TSPAN5: variants seen among roughly 807,000 people sequenced by gnomAD.
TSPAN5 encodes the protein tetraspanin 5, also known as tetraspanin-5.
TSPAN5 carries 10 observed loss-of-function variants against 37.1 expected under a neutral mutation model. That is an observed-to-expected ratio of 0.27 (90% CI 0.17 to 0.46). The LOEUF is 0.46. Ranked by LOEUF, TSPAN5 falls within the 20% of genes least tolerant of loss-of-function variation. The probability of loss-of-function intolerance (pLI) is 1.00; values close to 1 mark genes in which losing one functional copy is unlikely to be tolerated. For synonymous variants in TSPAN5, 110 were observed against 118.9 expected (o/e 0.93, Z 0.48); for missense variants, 195 against 326.6 (o/e 0.60, Z 3.11).
At chr4:98,487,281 T>G (rs1188293745) in intron 2 of TSPAN5, among the ~76,000 whole-genome samples, 1 of 149,588 alleles carries the variant, frequency 6.7e-6, no homozygotes, top group Admixed American at 6.7e-5. Flanking sequence ...GAAACTGTCA[T>G]TAGACCCTGT....
At chr4:98,544,026 A>T (rs1212525475) in intron 1 of TSPAN5, among the ~76,000 whole-genome samples, 2 of 151,996 alleles carry the variant, frequency 1.3e-5, no homozygotes, top group East Asian at 3.9e-4. Context: ...AGAAATTTTT[A>T]AAAATTAGCC....
intron 1 of TSPAN5, among the ~76,000 whole-genome samples, chr4:98,553,791 G>A (rs1345115521): frequency 1.3e-5 from 2 of 152,158 alleles, no homozygotes; most frequent in African/African-American, 4.8e-5. Flanking sequence ...AAGCAGCTGG[G>A]CACGGTGGCT....
intron 1 of TSPAN5, among the ~76,000 whole-genome samples, chr4:98,548,717 C>T (rs551228620): frequency 2.9e-4 from 44 of 152,104 alleles, no homozygotes; most frequent in Non-Finnish European, 7.3e-5. Context: ...TTATTTTATT[C>T]TGTCTGTCCA....
intron 1 of TSPAN5, among the ~76,000 whole-genome samples, chr4:98,581,898 T>C (rs1046559867): frequency 4.7e-4 from 71 of 152,334 alleles, no homozygotes; most frequent in African/African-American, 1.6e-3. Flanking sequence ...ATGCACCTGA[T>C]AGCAGTAACT....
intron 1 of TSPAN5, among the ~76,000 whole-genome samples, chr4:98,609,557 A>G (rs1272857718): frequency 6.6e-6 from 1 of 152,210 alleles, no homozygotes; most frequent in Admixed American, 6.5e-5. Context: ...GGAGCAGTGA[A>G]GGAAGCTCCC....
intron 1 of TSPAN5, among the ~76,000 whole-genome samples, chr4:98,561,179 T>C (rs1324534030): frequency 1.3e-5 from 2 of 152,364 alleles, no homozygotes; most frequent in East Asian, 3.9e-4. Flanking sequence ...CCATGCTCTC[T>C]TCTTTACCCT....
intron 1 of TSPAN5, among the ~76,000 whole-genome samples, chr4:98,516,998 A>G (rs977769527): frequency 2.0e-5 from 3 of 152,198 alleles, no homozygotes; most frequent in African/African-American, 7.2e-5. Context: ...TCTTCTTTAT[A>G]AATCACCCAG....
At chr4:98,643,232 C>T (rs1242956785) in intron 1 of TSPAN5, among the ~76,000 whole-genome samples, 1 of 152,150 alleles carries the variant, frequency 6.6e-6, no homozygotes, top group Non-Finnish European at 1.5e-5. Context: ...GTATTCATTA[C>T]CATAACATGC....
rs1752572084 is a variant in TSPAN5, at chr4:98,471,072, G to A, written c.*1450C>T. 6.6e-6 allele frequency: 1 copy of A among 152,240 alleles called. No individual in the cohort carries two copies. Among genetic ancestry groups the A allele is most frequent in the Non-Finnish European group, 1.5e-5 (1 of 68,056 alleles). The allele number at this position is 152,240 out of a possible 1,614,324, so 9.4% of individuals were successfully genotyped here. ...AGTGGGGGCAGGAGCGGCAGCACCA[G>A]GAAGTGGTTTCCCACTTTGTGTTAC... is the stretch of plus-strand genomic sequence containing the variant. On this transcript the variant is annotated 3_prime_UTR_variant, in exon 8 of 8. Coordinates refer to ENST00000305798, the MANE Select transcript of TSPAN5 (RefSeq NM_005723.4).
chr4:98,544,893 C>A (rs1451429673), intron 1 of TSPAN5, among the ~76,000 whole-genome samples: 2 of 152,180 alleles, frequency 1.3e-5, no homozygotes, highest in African/African-American at 4.8e-5. Flanking sequence ...TGTAGGAAGT[C>A]TTATGTTCAG....
intron 1 of TSPAN5, among the ~76,000 whole-genome samples, chr4:98,537,835 G>T (rs1754271084): frequency 6.6e-6 from 1 of 152,240 alleles, no homozygotes. Context: ...TGAAGAGCTG[G>T]CAAGGTCATC....
intron 3 of TSPAN5, chr4:98,484,096 T>C (rs1752907729): frequency 5.5e-6 from 1 of 183,224 alleles, no homozygotes; most frequent in African/African-American, 2.4e-5. Context: ...CCAGTTCCCC[T>C]GGTAAATTTT....
At chr4:98,595,165 TG>T (rs1466848778) in intron 1 of TSPAN5, among the ~76,000 whole-genome samples, 1 of 109,606 alleles carries the variant, frequency 9.1e-6, no homozygotes, top group Non-Finnish European at 1.8e-5. Flanking sequence ...GGTTTTGTCT[TG>T]GGAGAGTGTA....
rs141698110 is a variant in TSPAN5, at chr4:98,528,851, G to C, written c.82-21123C>G. Among the ~76,000 whole-genome samples, 733 of 152,268 alleles carry C rather than the reference G, an allele frequency of 4.8e-3. 5 individuals carry two copies. Among genetic ancestry groups the C allele is most frequent in the Middle Eastern group, 0.014 (4 of 294 alleles). On this transcript the variant is annotated intron_variant, in intron 1 of 7. Transcript: ENST00000305798. ...ACCTGCCCACCACTCTGCTGGAAAT[G>C]GGGGGAGGGTACTGACTGCTCCCAT...
chr4:98,571,563 A>G lies in TSPAN5; in HGVS notation c.82-63835T>C, dbSNP rs115562116. Among the ~76,000 whole-genome samples, 835 of 151,840 alleles carry G rather than the reference A, an allele frequency of 5.5e-3. 4 individuals carry two copies. Among genetic ancestry groups the G allele is most frequent in the Admixed American group, 9.8e-3 (150 of 15,264 alleles). On this transcript the variant is annotated intron_variant, in intron 1 of 7. Coordinates refer to ENST00000305798, the MANE Select transcript of TSPAN5 (RefSeq NM_005723.4). Reference sequence around the variant, plus strand: ...TTATTATACCATTCTGGGTGAGGTAAGTAAAAAAAAACCACATACTGTGCA... The same window carrying G: ...TTATTATACCATTCTGGGTGAGGTAGGTAAAAAAAAACCACATACTGTGCA...
chr4:98,627,396 T>C (rs1014208374), intron 1 of TSPAN5, among the ~76,000 whole-genome samples: 1 of 151,558 alleles, frequency 6.6e-6, no homozygotes, highest in Admixed American at 6.6e-5. Flanking sequence ...CCTGTAAGTG[T>C]GAAGTTGTTT....
At chr4:98,489,286 G>T (rs78085077) in intron 2 of TSPAN5, among the ~76,000 whole-genome samples, 1 of 152,128 alleles carries the variant, frequency 6.6e-6, no homozygotes, top group Non-Finnish European at 1.5e-5. Context: ...TTTAAACATG[G>T]GGCTTGTAAC....
chr4:98,518,094 C>CTT (rs535091902), intron 1 of TSPAN5, among the ~76,000 whole-genome samples: 10 of 132,710 alleles, frequency 7.5e-5, no homozygotes, highest in African/African-American at 2.2e-4. Flanking sequence ...AACATCTTGA[C>CTT]TTTTTTTTTT....
chr4:98,556,512 C>T (rs1436373346), intron 1 of TSPAN5, among the ~76,000 whole-genome samples: 1 of 152,064 alleles, frequency 6.6e-6, no homozygotes, highest in East Asian at 1.9e-4. Context: ...TATTTCAACC[C>T]TAAGAAAGAA....
Sources: allele counts gnomAD v4.1 joint callset (sites outside exome capture counted in the v4.1 genomes callset), GRCh38; gene constraint gnomAD v4.1.1; transcripts MANE v1.5; gene names NCBI Gene and HGNC (gene_info 2026-07-23, HGNC 2026-07-21).